The following NLGN1 variants were observed in gnomAD, a reference collection of about 807,000 sequenced individuals.
NLGN1 encodes the protein neuroligin-1.
Under a neutral mutation model 65.5 loss-of-function variants are expected in NLGN1, and 12 were observed. The ratio of observed to expected loss-of-function variants is 0.18; its 90% confidence interval spans 0.12 to 0.30. The LOEUF is 0.30. Among genes scored for constraint, NLGN1 ranks in the 10% least tolerant of loss-of-function variants. The probability of loss-of-function intolerance (pLI) is 1.00; values close to 1 mark genes in which losing one functional copy is unlikely to be tolerated. For synonymous variants in NLGN1, 350 were observed against 359.5 expected (o/e 0.97, Z 0.30); for missense variants, 750 against 1,007.1 (o/e 0.74, Z 3.46).
intron 3 of NLGN1, among the ~76,000 whole-genome samples, chr3:173,775,996 T>A (rs1780243314): frequency 1.3e-5 from 2 of 152,114 alleles, no homozygotes; most frequent in Admixed American, 6.5e-5. Context: ...CTGTATATTA[T>A]ACACACTTTC....
intron 4 of NLGN1, among the ~76,000 whole-genome samples, chr3:174,030,310 G>C (rs1205787822): frequency 6.6e-6 from 1 of 151,946 alleles, no homozygotes; most frequent in African/African-American, 2.4e-5. Flanking sequence ...ATTTTTAGTA[G>C]AGATGGGGTT....
chr3:173,534,441 G>A (rs981433939), intron 2 of NLGN1, among the ~76,000 whole-genome samples: 2 of 152,004 alleles, frequency 1.3e-5, no homozygotes, highest in Non-Finnish European at 2.9e-5. Flanking sequence ...GCCCCAGCTG[G>A]GTCTCTGTCT....
intron 4 of NLGN1, among the ~76,000 whole-genome samples, chr3:174,022,270 T>A (rs1423858280): frequency 6.6e-6 from 1 of 152,142 alleles, no homozygotes; most frequent in East Asian, 1.9e-4. Flanking sequence ...CTTACAGAGT[T>A]TGCTCTGGAA....
intron 2 of NLGN1, among the ~76,000 whole-genome samples, chr3:173,522,014 C>T (rs1476284300): frequency 1.3e-5 from 2 of 152,178 alleles, no homozygotes; most frequent in African/African-American, 4.8e-5. Context: ...ACACTAGAAG[C>T]CCAATCCCCA....
intron 4 of NLGN1, among the ~76,000 whole-genome samples, chr3:173,944,124 G>GGGGTGTGT (rs1553897256): frequency 6.4e-4 from 89 of 139,596 alleles, no homozygotes; most frequent in African/African-American, 2.3e-3. Flanking sequence ...TAATATTATG[G>GGGGTGTGT]GTGTGTGTGT....
chr3:173,935,225 T>G (rs1218038015), intron 4 of NLGN1, among the ~76,000 whole-genome samples: 1 of 151,972 alleles, frequency 6.6e-6, no homozygotes, highest in East Asian at 1.9e-4. Flanking sequence ...ATCACAATTT[T>G]GCCCACGTCA....
chr3:173,428,772 A>G (rs889122572), intron 1 of NLGN1, among the ~76,000 whole-genome samples: 1 of 151,808 alleles, frequency 6.6e-6, no homozygotes, highest in Non-Finnish European at 1.5e-5. Flanking sequence ...TTGCACATTA[A>G]CATTCTTTTT....
intron 4 of NLGN1, among the ~76,000 whole-genome samples, chr3:173,826,407 T>C (rs1185621692): frequency 3.3e-5 from 5 of 152,030 alleles, no homozygotes; most frequent in African/African-American, 1.2e-4. Context: ...GAGATACAGC[T>C]ACACTTAACT....
intron 4 of NLGN1, among the ~76,000 whole-genome samples, chr3:174,193,083 G>A: frequency 6.6e-6 from 1 of 152,220 alleles, no homozygotes; most frequent in Admixed American, 6.5e-5. Flanking sequence ...AGTTTGGTAT[G>A]ATTTTATTTT....
chr3:174,076,913 T>A lies in NLGN1; in HGVS notation c.647-198402T>A, dbSNP rs1741136833. On this transcript the variant is annotated intron_variant, in intron 4 of 6. Transcript: ENST00000457714. ...GTATCACCACTTGGTTAAAATTGTT[T>A]GTGGCCCTTGGAAATCACTAACAAT... 2.6e-5 allele frequency among the ~76,000 whole-genome samples: 4 copies of A among 152,160 alleles called. No homozygotes were observed. In the South Asian group the frequency reaches 8.3e-4, roughly 32 times the overall value.
intron 3 of NLGN1, among the ~76,000 whole-genome samples, chr3:173,768,330 G>T (rs1200836325): frequency 6.6e-6 from 1 of 152,110 alleles, no homozygotes; most frequent in Non-Finnish European, 1.5e-5. Context: ...CTCCTCAGTT[G>T]TCAGTTGCTT....
chr3:173,740,647 G>A (rs1406620433), intron 3 of NLGN1, among the ~76,000 whole-genome samples: 2 of 152,048 alleles, frequency 1.3e-5, no homozygotes, highest in African/African-American at 4.8e-5. Context: ...GGTTTAGAAA[G>A]TTGAGAATAT....
At chr3:173,404,832 C>T (rs1478354487) in intron 1 of NLGN1, among the ~76,000 whole-genome samples, 2 of 151,960 alleles carry the variant, frequency 1.3e-5, no homozygotes, top group East Asian at 1.9e-4. Context: ...TTTAATAGAC[C>T]GTATTTTATC....
At chr3:174,010,844 T>C (rs1277928686) in intron 4 of NLGN1, among the ~76,000 whole-genome samples, 1 of 152,122 alleles carries the variant, frequency 6.6e-6, no homozygotes, top group Non-Finnish European at 1.5e-5. Flanking sequence ...AAAATTAATA[T>C]CATGTCTCTC....
intron 4 of NLGN1, among the ~76,000 whole-genome samples, chr3:173,924,416 C>T (rs1195131832): frequency 2.6e-5 from 4 of 151,902 alleles, no homozygotes; most frequent in African/African-American, 9.7e-5. Context: ...TTTAACTGTG[C>T]AGGGCTTTTT....
At chr3:174,013,164 A>C (rs1212379378) in intron 4 of NLGN1, among the ~76,000 whole-genome samples, 1 of 152,200 alleles carries the variant, frequency 6.6e-6, no homozygotes, top group African/African-American at 2.4e-5. Context: ...CAAAGCAGTG[A>C]ATCTTGAGTG....
At chr3:173,506,115 T>G (rs1326435840) in intron 2 of NLGN1, among the ~76,000 whole-genome samples, 1 of 152,098 alleles carries the variant, frequency 6.6e-6, no homozygotes, top group Admixed American at 6.6e-5. Flanking sequence ...ACCATATTAT[T>G]AACCATACTT....
chr3:173,539,848 TATA>T (rs1473539230), intron 2 of NLGN1, among the ~76,000 whole-genome samples: 2 of 134,628 alleles, frequency 1.5e-5, no homozygotes, highest in Non-Finnish European at 3.1e-5. Flanking sequence ...TTATATATAT[TATA>T]TGTTATGTAT....
chr3:173,577,398 G>T (rs576523840), intron 2 of NLGN1, among the ~76,000 whole-genome samples: 7 of 152,248 alleles, frequency 4.6e-5, no homozygotes, highest in African/African-American at 1.7e-4. Flanking sequence ...CTTCATCTAT[G>T]TAAACAACTA....
Sources: allele counts gnomAD v4.1 joint callset (sites outside exome capture counted in the v4.1 genomes callset), GRCh38; gene constraint gnomAD v4.1.1; transcripts MANE v1.5; gene names NCBI Gene and HGNC (gene_info 2026-07-23, HGNC 2026-07-21).